Variants in SNX18 observed in about 807,000 individuals in gnomAD.
SNX18 encodes sorting nexin 18.
In SNX18, 35 loss-of-function variants were observed where a neutral mutation model predicts 48.7. The ratio of observed to expected loss-of-function variants is 0.72; its 90% CI spans 0.55 to 0.95. The LOEUF (loss-of-function observed/expected upper bound fraction) is 0.95. SNX18 is among the 40% of genes least tolerant of loss of function. SNX18 has a pLI of 0.00. For missense variants in SNX18, 824 were observed against 871.0 expected (o/e 0.95, Z 0.68); for synonymous variants, 492 against 384.7 (o/e 1.28, Z -3.26).
At chr5:54,588,985 T>C in the SNX18 span, among the ~76,000 whole-genome samples, 27 of 152,246 alleles carry the variant, frequency 1.8e-4, no homozygotes, top group Non-Finnish European at 2.4e-4. Flanking sequence ...GGACTGTTTA[T>C]ATAAGAGAAA....
chr5:54,578,804 CTA>C, the SNX18 span, among the ~76,000 whole-genome samples: 1 of 152,160 alleles, frequency 6.6e-6, no homozygotes, highest in Admixed American at 6.5e-5. Flanking sequence ...TAAGGGATTT[CTA>C]TCTCTTACAA....
chr5:54,613,387 C>T, the SNX18 span, among the ~76,000 whole-genome samples: 18,290 of 151,930 alleles, frequency 0.12, 1,178 homozygotes, highest in Middle Eastern at 0.18. Context: ...CAAGAGATCA[C>T]GCACATGAGA....
the SNX18 span, among the ~76,000 whole-genome samples, chr5:54,594,706 A>G: frequency 3.9e-5 from 6 of 152,094 alleles, no homozygotes; most frequent in African/African-American, 1.4e-4. Context: ...TAAAAATACA[A>G]TTTCAACTTC....
chr5:54,608,789 G>C, the SNX18 span, among the ~76,000 whole-genome samples: 2 of 152,118 alleles, frequency 1.3e-5, no homozygotes, highest in African/African-American at 4.8e-5. Context: ...TAAATCATCT[G>C]AGTACCCATC....
chr5:54,519,744 A>G, intron 1 of SNX18, 171 bp downstream of exon 1: 1 of 1,614,182 alleles, frequency 6.2e-7, no homozygotes, highest in Non-Finnish European at 8.5e-7. Flanking sequence ...GGATTGCTCG[A>G]CAGGCAGCTT....
the SNX18 span, among the ~76,000 whole-genome samples, chr5:54,609,575 C>T: frequency 4.6e-5 from 7 of 152,012 alleles, no homozygotes; most frequent in East Asian, 5.8e-4. Context: ...ACCTCAGCCC[C>T]CTAAAGCTTA....
the SNX18 span, among the ~76,000 whole-genome samples, chr5:54,551,665 G>A: frequency 3.3e-5 from 5 of 152,160 alleles, no homozygotes; most frequent in Admixed American, 6.5e-5. Flanking sequence ...GGCAGAGCTG[G>A]GAATTGAATG....
chr5:54,585,030 G>A, the SNX18 span, among the ~76,000 whole-genome samples: 7 of 152,134 alleles, frequency 4.6e-5, no homozygotes, highest in African/African-American at 1.4e-4. Context: ...GATGGCTCAC[G>A]CCTGTAATCC....
chr5:54,533,333 T>C (rs1217148000), intron 1 of SNX18, among the ~76,000 whole-genome samples: 2 of 152,262 alleles, frequency 1.3e-5, no homozygotes, highest in African/African-American at 4.8e-5. Flanking sequence ...CTCCAGGGTT[T>C]ATTAATGTGG....
chr5:54,574,195 C>T, the SNX18 span, among the ~76,000 whole-genome samples: 1 of 152,214 alleles, frequency 6.6e-6, no homozygotes, highest in African/African-American at 2.4e-5. Context: ...TGCTGGCTGT[C>T]ACCTGGGACC....
At chr5:54,596,992 G>T in the SNX18 span, among the ~76,000 whole-genome samples, 2 of 152,176 alleles carry the variant, frequency 1.3e-5, no homozygotes, top group African/African-American at 4.8e-5. Context: ...CCAGCGGTGT[G>T]TTATATTCAA....
chr5:54,519,917 A>T, intron 1 of SNX18: 1 of 1,189,576 alleles, frequency 8.4e-7, no homozygotes, highest in Non-Finnish European at 1.2e-6. Flanking sequence ...GACCTAAACC[A>T]TGTTAGGTAT....
At position 54,518,079 on chromosome 5, in the gene SNX18, A is replaced by G; in HGVS notation, c.127A>G (p.Asn43Asp). Residue 43 changes from asparagine to aspartate, a missense_variant, in exon 1 of 2, where the codon AAC (asparagine) becomes GAC (aspartate). Asn to Asp is a conservative substitution (Grantham distance 23). This residue lies in a region of SNX18 where 377 missense variants were observed against 350.6 expected (regional missense o/e 1.08). Coordinates refer to ENST00000381410, the MANE Select transcript of SNX18 (RefSeq NM_001102575.2). ...QDIEGWLEGVNSRGDRGLFPA... is the reference protein window; with the variant it reads ...QDIEGWLEGVDSRGDRGLFPA... ...CATCGAGGGCTGGCTCGAGGGGGTC[A>G]ACAGCCGCGGCGACCGCGGCCTCTT... is the stretch of plus-strand genomic sequence containing the variant. 6 of 1,538,066 alleles carry G rather than the reference A, an allele frequency of 3.9e-6. No homozygotes were observed. The highest frequency in any genetic ancestry group is 5.2e-6 in the Non-Finnish European group (6 of 1,148,276).
At chr5:54,621,801 A>G in the SNX18 span, among the ~76,000 whole-genome samples, 3 of 152,204 alleles carry the variant, frequency 2.0e-5, no homozygotes, top group Admixed American at 1.3e-4. Flanking sequence ...TGCCCTGGAG[A>G]CAAAAGCAGC....
chr5:54,543,633 T>C lies in SNX18; in HGVS notation c.*201T>C. On this transcript the variant is annotated 3_prime_UTR_variant, in exon 2 of 2. Coordinates refer to ENST00000381410, the MANE Select transcript of SNX18 (RefSeq NM_001102575.2). ...ATATAATAGAAACAGTACCACACATTGTAACTAAATTATACTATGTATGCC... is the reference window on the plus strand; with the variant it reads ...ATATAATAGAAACAGTACCACACATCGTAACTAAATTATACTATGTATGCC... The C allele has an allele frequency of 6.9e-6, 4 of 583,304 alleles. No homozygotes were observed. Among genetic ancestry groups the C allele is most frequent in the Non-Finnish European group, 8.9e-6 (3 of 335,884 alleles). The allele number at this position is 583,304 out of a possible 1,614,324, so 36.1% of individuals were successfully genotyped here.
At chr5:54,647,028 G>A in the SNX18 span, among the ~76,000 whole-genome samples, 1 of 152,170 alleles carries the variant, frequency 6.6e-6, no homozygotes, top group African/African-American at 2.4e-5. Flanking sequence ...ATCGGCTGGA[G>A]ATTACCAACT....
At position 54,541,146 on chromosome 5, in the gene SNX18, A is replaced by G. The variant is rs934512578; in HGVS notation, c.1622-2033A>G. Among the ~76,000 whole-genome samples, 5 of 150,952 alleles carry G rather than the reference A, an allele frequency of 3.3e-5. No individual in the cohort carries two copies. The East Asian group carries it at 5.9e-4, about 18-fold the overall frequency. ...GGCTTCAAGCGATTCTCCTGCCCCA[A>G]CCTCCCGAGTAGCTGGGATTACAGG... is the stretch of plus-strand genomic sequence containing the variant. On this transcript the variant is annotated intron_variant, in intron 1 of 1. Transcript: ENST00000381410.
the SNX18 span, among the ~76,000 whole-genome samples, chr5:54,563,896 A>G: frequency 6.6e-6 from 1 of 151,958 alleles, no homozygotes; most frequent in East Asian, 1.9e-4. Flanking sequence ...ATAATTATGT[A>G]ATATATGTAT....
chr5:54,555,366 C>T, the SNX18 span, among the ~76,000 whole-genome samples: 4 of 151,842 alleles, frequency 2.6e-5, no homozygotes, highest in Admixed American at 6.6e-5. Flanking sequence ...GCATAGTACC[C>T]GGCATACCTT....
Sources: gnomAD v4.1 joint callset for allele counts (sites outside exome capture counted in the v4.1 genomes callset) on GRCh38, gnomAD v4.1.1 for gene constraint, gnomAD v4.1.1 regional missense constraint, MANE v1.5 for transcripts, NCBI Gene and HGNC (gene_info 2026-07-23, HGNC 2026-07-21) for gene names.